The following NEMF variants were observed in gnomAD, a reference collection of about 807,000 sequenced individuals.
The protein encoded by NEMF is nuclear export mediator factor, also known as ribosome quality control complex subunit NEMF.
Under a neutral mutation model 162.2 loss-of-function variants are expected in NEMF, and 89 were observed. The ratio of observed to expected loss-of-function variants is 0.55; its 90% confidence interval spans 0.46 to 0.65. The LOEUF (loss-of-function observed/expected upper bound fraction) is 0.65. Ranked by LOEUF, NEMF falls within the 30% of genes least tolerant of loss-of-function variation. The pLI, the probability that NEMF is intolerant of heterozygous loss-of-function variation, is 0.00. For synonymous variants in NEMF, 421 were observed against 404.5 expected, an observed-to-expected ratio of 1.04 and a Z score of -0.49; for missense variants, 1,133 against 1,261.9, an observed-to-expected ratio of 0.90 and a Z score of 1.55.
In NEMF at chr14:49,803,136, G is replaced by T; in HGVS notation, c.1915+101C>A. The T allele has an allele frequency of 5.6e-6, 5 of 888,942 alleles. No homozygotes were observed. The South Asian group carries it at 6.6e-5, about 12-fold the overall frequency. The allele number at this position is 888,942 out of a possible 1,614,324, so 55.1% of individuals were successfully genotyped here. ...ATAGCAGACTTCACATAGGAAATCCGAGTAATTTGTTTTTGTTCTAAGAGT... is the reference window on the plus strand; with the variant it reads ...ATAGCAGACTTCACATAGGAAATCCTAGTAATTTGTTTTTGTTCTAAGAGT... On this transcript the variant is annotated intron_variant, in intron 20 of 32. Transcript: ENST00000298310.
chr14:49,784,831 T>G, intron 32 of NEMF, 94 bp downstream of exon 32: 1 of 1,402,052 alleles, frequency 7.1e-7, no homozygotes, highest in Admixed American at 1.8e-5. Context: ...CTGCTTCTAA[T>G]AAGACAGCAT....
chr14:49,831,321 A>G lies in NEMF; in HGVS notation c.923T>C (p.Ile308Thr), dbSNP rs1415746219. The G allele has an allele frequency of 6.3e-7, 1 of 1,598,766 alleles. No homozygotes were observed. The highest frequency in any genetic ancestry group is 8.6e-7 in the Non-Finnish European group (1 of 1,166,698). ...TACCTGTTGTAAAGCTTTTAAGTCA[A>G]TTTTCTGGCCTTCTATCTTGGAATA... ...EFYSKIEGQK[I>T]DLKALQQEKQ... Residue 308 changes from isoleucine (I) to threonine (T), a missense_variant, in exon 11 of 33, where the codon ATT becomes ACT. Transcript: ENST00000298310.
chr14:49,812,210 T>C (rs1891512196), intron 18 of NEMF, among the ~76,000 whole-genome samples: 1 of 152,202 alleles, frequency 6.6e-6, no homozygotes, highest in South Asian at 2.1e-4. Flanking sequence ...TATATAATTG[T>C]TCATGGTATT....
chr14:49,836,776 A>AC (rs1241758715), intron 6 of NEMF, among the ~76,000 whole-genome samples: 1 of 152,122 alleles, frequency 6.6e-6, no homozygotes, highest in Non-Finnish European at 1.5e-5. Context: ...GAGATTTCAG[A>AC]TTTTTTCACA....
chr14:49,838,196 T>C lies in NEMF; in HGVS notation c.517A>G (p.Ile173Val). 5.0e-6 allele frequency: 8 copies of C among 1,613,958 alleles called. No individual in the cohort carries two copies. Among genetic ancestry groups the C allele is most frequent in the Non-Finnish European group, 6.8e-6 (8 of 1,179,876 alleles). Residue 173 changes from isoleucine (I) to valine (V), a missense_variant, in exon 6 of 33, where the codon ATA (isoleucine) becomes GTA (valine). By Grantham distance (29) the Ile-to-Val change is conservative (BLOSUM62 3). Around this residue, in one of 3 missense-constraint regions of NEMF, gnomAD observed 582 missense variants for 631.5 expected, o/e 0.92. Transcript: ENST00000298310. The part of the protein sequence containing the change: ...PLLTLERLTE[I>V]VASAPKGELL... ...TCACCCTTAGGTGCGCTGGCTACTA[T>C]TTCAGTCAACCTGTGAAACAAAACG...
intron 18 of NEMF, among the ~76,000 whole-genome samples, chr14:49,809,570 G>A (rs2139887584): frequency 6.6e-6 from 1 of 152,168 alleles, no homozygotes; most frequent in African/African-American, 2.4e-5. Flanking sequence ...TATACATCAA[G>A]AGTGAACCCT....
Position 49,829,140 on chromosome 14 carries a change from C to G in NEMF, c.1146G>C (p.Val382=). 6.2e-7 allele frequency: 1 copy of G among 1,614,166 alleles called. No individual in the cohort carries two copies. The highest frequency in any genetic ancestry group is 8.5e-7 in the Non-Finnish European group (1 of 1,180,020). Residue 382 remains valine (V), a synonymous_variant, in exon 13 of 33, where the codon GTG becomes GTC. Coordinates refer to ENST00000298310, the MANE Select transcript of NEMF (RefSeq NM_004713.6). The stretch of plus-strand genomic sequence containing the variant: ...GGTCTCCTTGAGCCTGGGCTTCTTT[C>G]ACAATTAACCCAATTTCTGTCCAAT... The part of the protein sequence containing the change: ...QIDWTEIGLI[V]KEAQAQGDPV...
chr14:49,820,285 G>C (rs773569851), intron 16 of NEMF: 1 of 387,586 alleles, frequency 2.6e-6, no homozygotes, highest in Non-Finnish European at 5.2e-6. Flanking sequence ...GTGTCTGTGT[G>C]TTTGTTGAAA....
At chr14:49,797,504 G>GGCAC (rs1890744311) in intron 25 of NEMF, 1 of 152,014 alleles carries the variant, frequency 6.6e-6, no homozygotes, top group Non-Finnish European at 1.5e-5. Flanking sequence ...GCGTGGTGGT[G>GGCAC]GGTGCCTGTA....
Position 49,803,232 on chromosome 14 carries a change from A to G in NEMF, c.1915+5T>C, listed in dbSNP as rs1891034620. The G allele has an allele frequency of 6.2e-7, 1 of 1,602,680 alleles. No individual in the cohort carries two copies. The highest frequency in any genetic ancestry group is 8.5e-7 in the Non-Finnish European group (1 of 1,169,920). On this transcript the variant is annotated splice_donor_5th_base_variant and intron_variant, in intron 20 of 32. Transcript: ENST00000298310. ...CTAGTGATATTTTTCCTGTCAAGAC[A>G]TTACCTCTTATCATGAAGCTTCCTG...
At chr14:49,805,954 A>C in intron 19 of NEMF, 67 bp downstream of exon 19, 1 of 1,012,812 alleles carries the variant, frequency 9.9e-7, no homozygotes, top group Non-Finnish European at 1.5e-6. Context: ...ATTTACTTCT[A>C]TACTCTCAAA....
In NEMF at chr14:49,829,094, C is replaced by A; in HGVS notation, c.1192G>T (p.Glu398Ter). 1 of 1,614,104 alleles carries A rather than the reference C, an allele frequency of 6.2e-7. No homozygotes were observed. Among genetic ancestry groups the A allele is most frequent in the Non-Finnish European group, 8.5e-7 (1 of 1,180,004 alleles). Residue 398 changes from glutamate (E) to a stop codon, truncating the protein, a stop_gained, in exon 13 of 33, where the codon GAA (glutamate) becomes TAA (stop). Transcript: ENST00000298310. LOFTEE classifies it high-confidence loss of function. Reference sequence around the variant, plus strand: ...ACATGGTTTGTTTGTAGTTTTAATTCTTTGATTGCACTTGCAACAGGGTCT... The same window carrying A: ...ACATGGTTTGTTTGTAGTTTTAATTATTTGATTGCACTTGCAACAGGGTCT... ...QGDPVASAIK[E>*]LKLQTNHVTM... is the part of the protein sequence containing the mutation.
chr14:49,824,544 CA>C (rs34629301), intron 16 of NEMF, among the ~76,000 whole-genome samples: 234 of 118,930 alleles, frequency 2.0e-3, no homozygotes, highest in African/African-American at 7.1e-3. Flanking sequence ...AATTCCGTCT[CA>C]AAAAAAAAAA....
rs180877531 is a variant in NEMF at position 49,832,294 on chromosome 14, T to G, written c.736-17A>C. On this transcript the variant is annotated splice_polypyrimidine_tract_variant and intron_variant, in intron 8 of 32. Coordinates refer to ENST00000298310, the MANE Select transcript of NEMF (RefSeq NM_004713.6). ...GATATATCCCTACAAAAATGCAACATTAAAATCATTCCTATTCATAATTAA... is the reference window on the plus strand; with the variant it reads ...GATATATCCCTACAAAAATGCAACAGTAAAATCATTCCTATTCATAATTAA... 6.8e-7 allele frequency: 1 copy of G among 1,473,972 alleles called. No homozygotes were observed. The highest frequency in any genetic ancestry group is 2.3e-5 in the East Asian group (1 of 44,184). The allele number at this position is 1,473,972 out of a possible 1,614,324, so 91.3% of individuals were successfully genotyped here.
In NEMF at chr14:49,832,215, G is replaced by C. The variant is rs1300235089; in HGVS notation, c.798C>G (p.Asp266Glu). 1.2e-6 allele frequency: 2 copies of C among 1,609,138 alleles called. No individual in the cohort carries two copies. The highest frequency in any genetic ancestry group is 1.3e-5 in the African/African-American group (1 of 74,720). The change falls in exon 9 of 33, where the codon GAC becomes GAG. Residue 266 changes from aspartate (D) to glutamate (E), a missense_variant. Physicochemically the swap from Asp to Glu is conservative, Grantham distance 45 (BLOSUM62 2). Transcript: ENST00000298310. The part of the protein sequence containing the change: ...PSLEADKPVE[D>E]ILTYEEFHPF... ...CATGCCTATATGCTTACGTCAGTAT[G>C]TCTTCAACTGGTTTATCTGCTTCCA...
chr14:49,804,075 G>A (rs1410420918), intron 19 of NEMF, among the ~76,000 whole-genome samples: 1 of 150,512 alleles, frequency 6.6e-6, no homozygotes, highest in East Asian at 2.0e-4. Context: ...CTTGATCTTG[G>A]CTCACTGCAA....
In NEMF at chr14:49,782,362, A is replaced by T; in HGVS notation, c.*2274T>A. 1 of 1,596,120 alleles carries T rather than the reference A, an allele frequency of 6.3e-7. No individual in the cohort carries two copies. The highest frequency in any genetic ancestry group is 8.6e-7 in the Non-Finnish European group (1 of 1,169,176). ...GTGGCTTCAAACTCGTTTTTGTTTT[A>T]AATGCAGGTTATGGCACACAGCTTG... On this transcript the variant is annotated 3_prime_UTR_variant, in exon 33 of 33. Transcript: ENST00000298310.
intron 15 of NEMF, among the ~76,000 whole-genome samples, 185 bp downstream of exon 15, chr14:49,828,106 G>A (rs1892452239): frequency 6.6e-6 from 1 of 152,216 alleles, no homozygotes; most frequent in South Asian, 2.1e-4. Flanking sequence ...TTACTGAGAT[G>A]AGGAAGAATA....
intron 18 of NEMF, among the ~76,000 whole-genome samples, chr14:49,812,121 T>G (rs1891508480): frequency 6.6e-6 from 1 of 152,216 alleles, no homozygotes; most frequent in Admixed American, 6.5e-5. Context: ...TTCAATTCTC[T>G]ATTTCTTCTT....
Sources: gnomAD v4.1 joint callset for allele counts (sites outside exome capture counted in the v4.1 genomes callset) on GRCh38, gnomAD v4.1.1 for gene constraint, gnomAD v4.1.1 regional missense constraint, MANE v1.5 for transcripts, NCBI Gene and HGNC (gene_info 2026-07-23, HGNC 2026-07-21) for gene names.